Variants in USP13 observed in about 807,000 individuals in gnomAD.
USP13 encodes the protein ubiquitin specific peptidase 13, also known as ubiquitin carboxyl-terminal hydrolase 13.
In USP13, 68 loss-of-function variants were observed where a neutral mutation model predicts 107.8. That is an observed-to-expected ratio of 0.63 (90% CI 0.52 to 0.77). The LOEUF (loss-of-function observed/expected upper bound fraction) is 0.77. Ranked by LOEUF, USP13 falls within the 30% of genes least tolerant of loss-of-function variation. USP13 has a pLI of 0.00. For synonymous variants in USP13, 377 were observed against 389.5 expected, an observed-to-expected ratio of 0.97 and a Z score of 0.38; for missense variants, 945 against 1,093.3, an observed-to-expected ratio of 0.86 and a Z score of 1.91.
At chr3:179,680,509 T>C (rs903327795) in intron 1 of USP13, among the ~76,000 whole-genome samples, 7 of 152,166 alleles carry the variant, frequency 4.6e-5, no homozygotes, top group Non-Finnish European at 7.3e-5. Flanking sequence ...TTGAAGCATT[T>C]CAGACTTTTG....
intron 3 of USP13, among the ~76,000 whole-genome samples, chr3:179,695,830 C>T (rs1712304353): frequency 6.6e-6 from 1 of 151,988 alleles, no homozygotes; most frequent in Non-Finnish European, 1.5e-5. Context: ...TTTTAGATTT[C>T]TTTTTTCTGT....
intron 1 of USP13, among the ~76,000 whole-genome samples, chr3:179,675,351 T>C (rs571659740): frequency 1.6e-4 from 24 of 151,870 alleles, no homozygotes; most frequent in African/African-American, 5.6e-4. Context: ...TCTTCTATAC[T>C]GATGTTAATT....
At position 179,702,752 on chromosome 3, in the gene USP13, T is replaced by C. The variant is rs571269902; in HGVS notation, c.477+1623T>C. Among the ~76,000 whole-genome samples, 7 of 152,348 alleles carry C rather than the reference T, an allele frequency of 4.6e-5. No individual in the cohort carries two copies. The South Asian group carries it at 1.4e-3, about 32-fold the overall frequency. ...ACCTTTGCTTTCTCCAATTCCATGT[T>C]GACTCATGTGGCTGTTACCAAGGAT... On this transcript the variant is annotated intron_variant, in intron 4 of 20. Transcript: ENST00000263966.
At chr3:179,728,552 G>A (rs576629591) in intron 8 of USP13, among the ~76,000 whole-genome samples, 3 of 151,698 alleles carry the variant, frequency 2.0e-5, no homozygotes, top group Non-Finnish European at 4.4e-5. Flanking sequence ...CGGCCAGGCA[G>A]AGACACTCCT....
At chr3:179,735,470 A>T (rs2108508224) in intron 10 of USP13, among the ~76,000 whole-genome samples, 1 of 152,002 alleles carries the variant, frequency 6.6e-6, no homozygotes, top group African/African-American at 2.4e-5. Context: ...ATACAAAAGT[A>T]GAGAGCAAAG....
intron 1 of USP13, among the ~76,000 whole-genome samples, chr3:179,659,728 T>C (rs966456846): frequency 2.6e-5 from 4 of 152,130 alleles, no homozygotes; most frequent in Non-Finnish European, 4.4e-5. Context: ...ATTGTCTGAC[T>C]CTAGAATCTG....
intron 19 of USP13, among the ~76,000 whole-genome samples, chr3:179,776,844 G>A (rs1384954138): frequency 1.7e-5 from 2 of 118,526 alleles, no homozygotes; most frequent in African/African-American, 3.2e-5. Context: ...TTTGGAGCGT[G>A]TTTTAGAGTG....
intron 13 of USP13, among the ~76,000 whole-genome samples, chr3:179,749,422 G>C (rs934247893): frequency 3.3e-5 from 5 of 152,032 alleles, no homozygotes; most frequent in Admixed American, 6.6e-5. Context: ...CATTTTTCAA[G>C]AAATATTTTA....
intron 13 of USP13, among the ~76,000 whole-genome samples, chr3:179,750,287 A>AATACATATATGTGTGTATATATATAT (rs1714549361): frequency 1.4e-5 from 2 of 138,086 alleles, no homozygotes; most frequent in African/African-American, 5.6e-5. Flanking sequence ...AATAATAATA[A>AATACATATATGTGTGTATATATATAT]ATATATATAT....
intron 19 of USP13, among the ~76,000 whole-genome samples, chr3:179,772,646 G>C (rs1022019669): frequency 1.2e-4 from 18 of 152,218 alleles, no homozygotes; most frequent in Non-Finnish European, 1.6e-4. Context: ...CTCCCACTTA[G>C]CACTTGTTGC....
chr3:179,682,083 T>C (rs1251526486), intron 2 of USP13, 80 bp downstream of exon 2: 3 of 1,502,062 alleles, frequency 2.0e-6, no homozygotes, highest in African/African-American at 2.8e-5. Flanking sequence ...ACGTGGAAAT[T>C]TGACCATGCC....
intron 10 of USP13, among the ~76,000 whole-genome samples, chr3:179,733,348 A>G (rs1459697497): frequency 1.3e-5 from 2 of 152,168 alleles, no homozygotes; most frequent in East Asian, 3.8e-4. Flanking sequence ...ACTCAAATAG[A>G]GCTCACATTG....
intron 15 of USP13, among the ~76,000 whole-genome samples, chr3:179,755,360 T>C (rs1371609251): frequency 1.3e-5 from 2 of 152,214 alleles, no homozygotes; most frequent in East Asian, 1.9e-4. Flanking sequence ...AGTGGCACGA[T>C]CTCGGCTCAC....
intron 11 of USP13, 37 bp downstream of exon 11, chr3:179,740,409 G>C (rs200987751): frequency 1.9e-6 from 3 of 1,613,026 alleles, no homozygotes; most frequent in Non-Finnish European, 2.5e-6. Flanking sequence ...CAGCGGGGTT[G>C]TAAGAGGGTG....
intron 11 of USP13, 121 bp downstream of exon 11, chr3:179,740,493 T>TA (rs1435055460): frequency 6.9e-7 from 1 of 1,449,512 alleles, no homozygotes; most frequent in East Asian, 2.3e-5. Flanking sequence ...TCTCTCCTGT[T>TA]AAAGCTGGTT....
rs557121395 is a variant in USP13, at chr3:179,770,399, T to G, written c.2413+4551T>G. On this transcript the variant is annotated intron_variant, in intron 19 of 20. Coordinates refer to ENST00000263966, the MANE Select transcript of USP13 (RefSeq NM_003940.3). ...CACTGTTACTTATGAATACAAATTT[T>G]CCCCATTGTATATTAAACATTGCTG... Among the ~76,000 whole-genome samples the G allele has an allele frequency of 3.9e-5, 6 of 152,360 alleles. No individual in the cohort carries two copies. The South Asian group carries it at 1.0e-3, about 26-fold the overall frequency.
chr3:179,741,234 T>G (rs974820104), intron 11 of USP13, among the ~76,000 whole-genome samples: 5 of 150,822 alleles, frequency 3.3e-5, no homozygotes, highest in Admixed American at 1.3e-4. Flanking sequence ...TGTTTGTTTT[T>G]GACAGAGTCT....
At chr3:179,656,059 T>A (rs1560036825) in intron 1 of USP13, among the ~76,000 whole-genome samples, 1 of 152,086 alleles carries the variant, frequency 6.6e-6, no homozygotes, top group Non-Finnish European at 1.5e-5. Context: ...AAAAAAGAAA[T>A]CATCCCTGCA....
chr3:179,756,607 C>G (rs543554941), intron 15 of USP13, among the ~76,000 whole-genome samples: 2 of 151,944 alleles, frequency 1.3e-5, no homozygotes, highest in East Asian at 3.9e-4. Flanking sequence ...AAAAGTTTGC[C>G]AGGCGTGGTG....
Sources: gnomAD v4.1 joint callset for allele counts (sites outside exome capture counted in the v4.1 genomes callset) on GRCh38, gnomAD v4.1.1 for gene constraint, MANE v1.5 for transcripts, NCBI Gene and HGNC (gene_info 2026-07-23, HGNC 2026-07-21) for gene names.